The following UBE2S variants were observed in gnomAD, a reference collection of about 807,000 sequenced individuals.
UBE2S encodes the protein ubiquitin conjugating enzyme E2 S, also known as ubiquitin-conjugating enzyme E2 S.
Under a neutral mutation model 12.3 loss-of-function variants are expected in UBE2S, and 3 were observed. That is an observed-to-expected ratio of 0.24 (90% CI 0.11 to 0.63). The LOEUF is 0.63. Ranked by LOEUF, UBE2S falls within the 30% of genes least tolerant of loss-of-function variation. UBE2S has a pLI of 0.85. For missense variants in UBE2S, 211 were observed against 313.9 expected (o/e 0.67, Z 2.48); for synonymous variants, 133 against 142.0 (o/e 0.94, Z 0.45).
In UBE2S at chr19:55,404,769, GCTA is replaced by G. The variant is rs1217386854; in HGVS notation, c.152-294_152-292del. Reference sequence around the variant, plus strand: ...GATTACGGGCATGCCACCAGGTCTGGCTACTTTTTTATTTTAAGAGATAGGGTC... The same window carrying G: ...GATTACGGGCATGCCACCAGGTCTGGCTTTTTTATTTTAAGAGATAGGGTC... On this transcript the variant is annotated intron_variant, in intron 2 of 3. Coordinates refer to ENST00000264552, the MANE Select transcript of UBE2S (RefSeq NM_014501.3). The surrounding 1 kb of genome is among the most constrained non-coding windows in gnomAD (Gnocchi z 4.4). Among the ~76,000 whole-genome samples, 6 of 152,190 alleles carry G rather than the reference GCTA, an allele frequency of 3.9e-5. No homozygotes were observed. Among genetic ancestry groups the G allele is most frequent in the African/African-American group, 1.4e-4 (6 of 41,536 alleles).
In UBE2S at chr19:55,404,243, T is replaced by A; in HGVS notation, c.342+45A>T. On this transcript the variant is annotated intron_variant, in intron 3 of 3. Transcript: ENST00000264552. The surrounding 1 kb of genome is among the most constrained non-coding windows in gnomAD (Gnocchi z 4.4). ...GCTATGGCTCAGACACCAGCAGACC[T>A]CCAGAGGCAGGAGGCAGGAGGCCCA... is the stretch of plus-strand genomic sequence containing the variant. The A allele has an allele frequency of 6.2e-7, 1 of 1,604,954 alleles. No individual in the cohort carries two copies.
At chr19:55,406,761 A>AG in intron 2 of UBE2S, 54 bp downstream of exon 2, 1 of 1,568,272 alleles carries the variant, frequency 6.4e-7, no homozygotes. Context: ...GATCTAGAGC[A>AG]GGGTGATGGA....
At position 55,407,607 on chromosome 19, in the gene UBE2S, G is replaced by T; in HGVS notation, c.-18C>A. The T allele has an allele frequency of 7.1e-7, 1 of 1,408,412 alleles. No individual in the cohort carries two copies. The highest frequency in any genetic ancestry group is 1.9e-4 in the Middle Eastern group (1 of 5,162). The allele number at this position is 1,408,412 out of a possible 1,614,324, so 87.2% of individuals were successfully genotyped here. The stretch of plus-strand genomic sequence containing the variant: ...CTCACCATGGCTGCGGCCGGCCGGG[G>T]GCGGGTCCCCCCGGCCCCCTTCCTG... On this transcript the variant is annotated 5_prime_UTR_variant, in exon 1 of 4. Transcript: ENST00000264552.
intron 2 of UBE2S, among the ~76,000 whole-genome samples, chr19:55,405,766 T>C (rs1332293106): frequency 6.6e-6 from 1 of 152,196 alleles, no homozygotes; most frequent in African/African-American, 2.4e-5. Flanking sequence ...TCCAACTGTC[T>C]GTTAATTCCA....
At position 55,399,917 on chromosome 19, in the gene UBE2S, A is replaced by T. The variant is rs1388005009; in HGVS notation, c.*1519T>A. On this transcript the variant is annotated 3_prime_UTR_variant, in exon 4 of 4. Transcript: ENST00000264552. ...TTGGATGGCCAGTGATGTGAATTTG[A>T]TCTGAAAATCTGAAGGGTTTCTTCC... 1 of 152,136 alleles carries T rather than the reference A, an allele frequency of 6.6e-6. No individual in the cohort carries two copies. Among genetic ancestry groups the T allele is most frequent in the Non-Finnish European group, 1.5e-5 (1 of 68,028 alleles). The allele number at this position is 152,136 out of a possible 1,614,324, so 9.4% of individuals were successfully genotyped here.
chr19:55,404,487 G>C lies in UBE2S; in HGVS notation c.152-9C>G. ...AGCATATGGGGTCCCCTCTGGAGTG[G>C]AGGGAGGGGTACAGGGTCAGGGCAC... On this transcript the variant is annotated splice_polypyrimidine_tract_variant and intron_variant, in intron 2 of 3. Transcript: ENST00000264552. The surrounding 1 kb of genome is among the most constrained non-coding windows in gnomAD (Gnocchi z 4.4). 1 of 1,598,322 alleles carries C rather than the reference G, an allele frequency of 6.3e-7. No homozygotes were observed. Among genetic ancestry groups the C allele is most frequent in the South Asian group, 1.1e-5 (1 of 88,080 alleles).
At position 55,401,669 on chromosome 19, in the gene UBE2S, C is replaced by T. The variant is rs2090059924; in HGVS notation, c.436G>A (p.Ala146Thr). The T allele has an allele frequency of 1.2e-6, 2 of 1,611,884 alleles. No individual in the cohort carries two copies. The highest frequency in any genetic ancestry group is 1.7e-6 in the Non-Finnish European group (2 of 1,179,410). Residue 146 changes from alanine to threonine, a missense_variant, in exon 4 of 4, where the codon GCT becomes ACT. Ala to Thr is a moderately conservative substitution (Grantham distance 58). This residue lies in a region of UBE2S where 127 missense variants were observed against 224.0 expected (regional missense o/e 0.57). Transcript: ENST00000264552. ...LLLENYEEYA[A>T]RARLLTEIHG... Reference sequence around the variant, plus strand: ...ATCTCTGTGAGCAGACGGGCCCGAGCCGCATACTCCTCGTAGTTCTCCAAG... The same window carrying T: ...ATCTCTGTGAGCAGACGGGCCCGAGTCGCATACTCCTCGTAGTTCTCCAAG...
At chr19:55,405,475 C>T (rs1369864282) in intron 2 of UBE2S, among the ~76,000 whole-genome samples, 2 of 152,018 alleles carry the variant, frequency 1.3e-5, no homozygotes, top group African/African-American at 4.8e-5. Flanking sequence ...TGCTATTGCA[C>T]TCCAGCCTAG....
At chr19:55,405,787 A>G (rs529260006) in intron 2 of UBE2S, among the ~76,000 whole-genome samples, 31 of 152,050 alleles carry the variant, frequency 2.0e-4, no homozygotes, top group African/African-American at 6.8e-4. Context: ...CAGCCTCCCA[A>G]CCCAGTGAAC....
Position 55,407,724 on chromosome 19 carries a change from C to G in UBE2S, c.-135G>C, listed in dbSNP as rs909036840. 4.5e-5 allele frequency: 27 copies of G among 605,428 alleles called. No homozygotes were observed. The Middle Eastern group carries it at 2.1e-3, about 48-fold the overall frequency. 37.5% of individuals were successfully genotyped at this position (605,428 alleles called of 1,614,324 possible). A position where few individuals can be genotyped will look rare whatever the true frequency, so the allele number is the denominator to read the frequency against. ...GGCGGCCCCGCTCCGCTCCCCGCTG[C>G]CTCCGACGTCCGCCGCGCACAGCGT... On this transcript the variant is annotated 5_prime_UTR_variant, in exon 1 of 4. Transcript: ENST00000264552.
chr19:55,407,193 GA>G (rs1372946186), intron 1 of UBE2S, among the ~76,000 whole-genome samples: 58 of 57,380 alleles, frequency 1.0e-3, no homozygotes, highest in South Asian at 2.2e-3. Context: ...ACCCACCCCA[GA>G]ACCCCCCCCC....
chr19:55,401,841 GCA>G, intron 3 of UBE2S, 79 bp from the exon 4 acceptor site: 2 of 1,475,952 alleles, frequency 1.4e-6, no homozygotes, highest in South Asian at 1.2e-5. Flanking sequence ...GGTGGCCTCC[GCA>G]CTGGCTGTTC....
intron 3 of UBE2S, 83 bp from the exon 4 acceptor site, chr19:55,401,845 T>C: frequency 2.8e-6 from 4 of 1,444,776 alleles, no homozygotes; most frequent in Non-Finnish European, 3.8e-6. Context: ...GCCTCCGCAC[T>C]GGCTGTTCCT....
At chr19:55,405,377 T>TGCACGTCTG (rs1349131360) in intron 2 of UBE2S, among the ~76,000 whole-genome samples, 1 of 151,916 alleles carries the variant, frequency 6.6e-6, no homozygotes, top group Non-Finnish European at 1.5e-5. Flanking sequence ...GGCATGGTGG[T>TGCACGTCTG]GCACGTCTGT....
At chr19:55,402,878 C>T (rs1024009471) in intron 3 of UBE2S, 2 of 1,382,710 alleles carry the variant, frequency 1.4e-6, no homozygotes, top group Admixed American at 2.3e-5. Context: ...ACCCCAATTC[C>T]CCACCCTCTC....
intron 3 of UBE2S, among the ~76,000 whole-genome samples, chr19:55,402,182 A>G (rs895998525): frequency 6.6e-6 from 1 of 152,244 alleles, no homozygotes; most frequent in Non-Finnish European, 1.5e-5. Flanking sequence ...TGAGGCCTGC[A>G]GCCTGGACAG....
Position 55,401,420 on chromosome 19 carries a change from G to A in UBE2S, c.*16C>T, listed in dbSNP as rs1382365751. Reference sequence around the variant, plus strand: ...AGGAGAGGTTGGGGTCACGGTGGAAGGAGGAAGAGAGCCCACTACAGCCGC... The same window carrying A: ...AGGAGAGGTTGGGGTCACGGTGGAAAGAGGAAGAGAGCCCACTACAGCCGC... On this transcript the variant is annotated 3_prime_UTR_variant, in exon 4 of 4. Transcript: ENST00000264552. 6.4e-7 allele frequency: 1 copy of A among 1,569,564 alleles called. No individual in the cohort carries two copies. The highest frequency in any genetic ancestry group is 1.4e-5 in the African/African-American group (1 of 73,868).
In UBE2S at chr19:55,399,776, C is replaced by T. The variant is rs13343706; in HGVS notation, c.*1660G>A. 5.3e-5 allele frequency: 8 copies of T among 152,180 alleles called. No individual in the cohort carries two copies. The highest frequency in any genetic ancestry group is 1.7e-4 in the African/African-American group (7 of 41,486). The allele number at this position is 152,180 out of a possible 1,614,324, so 9.4% of individuals were successfully genotyped here. ...CAAATATTATTTTTATTATGCACTT[C>T]GCTAAATTATTTCAGTGGGTTCCGA... On this transcript the variant is annotated 3_prime_UTR_variant, in exon 4 of 4. Coordinates refer to ENST00000264552, the MANE Select transcript of UBE2S (RefSeq NM_014501.3).
At position 55,406,888 on chromosome 19, in the gene UBE2S, G is replaced by T. The variant is rs1234661620; in HGVS notation, c.78C>A (p.Asp26Glu). ...VYKEVTTLTA[D>E]PPDGIKVFPN... Reference sequence around the variant, plus strand: ...GAAAGACCTTGATGCCATCGGGTGGGTCTGCGGTCAGTGTCGTCACCTCCT... The same window carrying T: ...GAAAGACCTTGATGCCATCGGGTGGTTCTGCGGTCAGTGTCGTCACCTCCT... The change falls in exon 2 of 4, where the codon GAC becomes GAA. Residue 26 changes from aspartate to glutamate, a missense_variant. By Grantham distance (45) the Asp-to-Glu change is conservative. Around this residue, in one of 2 missense-constraint regions of UBE2S, gnomAD observed 127 missense variants for 224.0 expected, o/e 0.57. Transcript: ENST00000264552. The T allele has an allele frequency of 6.2e-7, 1 of 1,614,030 alleles. No individual in the cohort carries two copies. Among genetic ancestry groups the T allele is most frequent in the East Asian group, 2.2e-5 (1 of 44,866 alleles).
Sources: allele counts gnomAD v4.1 joint callset (sites outside exome capture counted in the v4.1 genomes callset), GRCh38; gene constraint gnomAD v4.1.1; regional missense constraint gnomAD v4.1.1; non-coding constraint Gnocchi (gnomAD v3.1); transcripts MANE v1.5; gene names NCBI Gene and HGNC (gene_info 2026-07-23, HGNC 2026-07-21).